Variants in GRM5 observed in about 807,000 individuals in gnomAD.
GRM5 encodes metabotropic glutamate receptor 5.
GRM5 carries 19 observed loss-of-function variants against 83.1 expected under a neutral mutation model. The observed-to-expected ratio is 0.23, with a 90% CI of 0.16 to 0.34. The LOEUF is 0.34. Among genes scored for constraint, GRM5 ranks in the 10% least tolerant of loss-of-function variants. GRM5 has a pLI of 1.00. For synonymous variants in GRM5, 675 were observed against 633.6 expected (o/e 1.07, Z -0.98); for missense variants, 1,160 against 1,588.3 (o/e 0.73, Z 4.58).
intron 2 of GRM5, among the ~76,000 whole-genome samples, chr11:88,904,246 A>G (rs564668865): frequency 3.9e-5 from 6 of 152,338 alleles, no homozygotes; most frequent in African/African-American, 7.2e-5. Flanking sequence ...ATGTGTACAT[A>G]TATGGGTCCA....
intron 2 of GRM5, among the ~76,000 whole-genome samples, chr11:88,987,017 G>A (rs528747769): frequency 7.6e-4 from 115 of 151,606 alleles, no homozygotes; most frequent in East Asian, 3.5e-3. Context: ...CAAGATGGCC[G>A]AATAGGAACA....
chr11:88,647,348 A>G (rs577712099), intron 4 of GRM5, among the ~76,000 whole-genome samples: 7 of 135,888 alleles, frequency 5.2e-5, no homozygotes, highest in African/African-American at 1.7e-4. Context: ...CCTTAAAAAA[A>G]GTATAAGACA....
At chr11:88,546,630 T>C (rs1177209165) in intron 8 of GRM5, among the ~76,000 whole-genome samples, 1 of 152,114 alleles carries the variant, frequency 6.6e-6, no homozygotes, top group African/African-American at 2.4e-5. Context: ...AGTCTTAATA[T>C]GGGCCCTATG....
rs568852510 is a variant in GRM5 at position 89,009,824 on chromosome 11, C to T, written c.661+37388G>A. On this transcript the variant is annotated intron_variant, in intron 2 of 9. Coordinates refer to ENST00000305447, the MANE Select transcript of GRM5 (RefSeq NM_001143831.3). Reference sequence around the variant, plus strand: ...GCTGAGGCAGGAGAATGGCGTGAACCCGGGAGGCGGAGCTTGCAGTGAGCC... The same window carrying T: ...GCTGAGGCAGGAGAATGGCGTGAACTCGGGAGGCGGAGCTTGCAGTGAGCC... Among the ~76,000 whole-genome samples the T allele has an allele frequency of 1.7e-4, 23 of 136,256 alleles. No homozygotes were observed. The East Asian group carries it at 4.5e-3, about 27-fold the overall frequency. 89.4% of individuals were successfully genotyped at this position (136,256 alleles called of 152,430 possible).
chr11:88,671,990 C>A (rs941021808), intron 3 of GRM5, among the ~76,000 whole-genome samples: 1 of 151,998 alleles, frequency 6.6e-6, no homozygotes, highest in Non-Finnish European at 1.5e-5. Flanking sequence ...TCTGATTAGT[C>A]AAGAAATTTA....
chr11:88,581,128 T>TTAAA (rs1209388058), intron 7 of GRM5, among the ~76,000 whole-genome samples: 7 of 151,826 alleles, frequency 4.6e-5, no homozygotes, highest in East Asian at 1.9e-4. Context: ...ATAAATAAAT[T>TTAAA]TAAATAAATA....
chr11:88,743,290 T>C (rs1942065743), intron 3 of GRM5, among the ~76,000 whole-genome samples: 1 of 152,118 alleles, frequency 6.6e-6, no homozygotes, highest in African/African-American at 2.4e-5. Flanking sequence ...TGCCACTACT[T>C]GGCACCAAAC....
chr11:88,930,948 T>TA (rs66517314), intron 2 of GRM5, among the ~76,000 whole-genome samples: 1 of 151,884 alleles, frequency 6.6e-6, no homozygotes, highest in African/African-American at 2.4e-5. Flanking sequence ...GGTCTTTCTT[T>TA]AAAAAAAAAT....
In GRM5 at chr11:88,857,871, A is replaced by G. The variant is rs561152538; in HGVS notation, c.662-7716T>C. ...CCAAGAAATATTCCTAAAAATTCCT[A>G]TATAATTGAGATTTAGGTGTTTAGG... On this transcript the variant is annotated intron_variant, in intron 2 of 9. Transcript: ENST00000305447. Among the ~76,000 whole-genome samples, 401 of 152,194 alleles carry G rather than the reference A, an allele frequency of 2.6e-3. 2 individuals are homozygous for G. Among genetic ancestry groups the G allele is most frequent in the Non-Finnish European group, 2.2e-3 (148 of 67,962 alleles).
At chr11:88,814,944 A>G (rs1943645539) in intron 3 of GRM5, among the ~76,000 whole-genome samples, 1 of 152,220 alleles carries the variant, frequency 6.6e-6, no homozygotes, top group Admixed American at 6.5e-5. Context: ...AGCAAAAATG[A>G]ATGAAACTGT....
chr11:88,661,849 T>G (rs1350196522), intron 3 of GRM5, among the ~76,000 whole-genome samples: 2 of 152,120 alleles, frequency 1.3e-5, no homozygotes. Flanking sequence ...CTTTGAAATT[T>G]TAAATTAAGG....
At chr11:88,685,168 G>A (rs1940588930) in intron 3 of GRM5, among the ~76,000 whole-genome samples, 1 of 152,132 alleles carries the variant, frequency 6.6e-6, no homozygotes, top group African/African-American at 2.4e-5. Context: ...GACAAATAAG[G>A]TCCAGGCTGA....
At chr11:88,970,299 C>G (rs564170395) in intron 2 of GRM5, among the ~76,000 whole-genome samples, 1 of 152,206 alleles carries the variant, frequency 6.6e-6, no homozygotes, top group African/African-American at 2.4e-5. Context: ...GCATAACTTA[C>G]GAAGCTCTGC....
chr11:89,025,997 C>T (rs1156835386), intron 2 of GRM5, among the ~76,000 whole-genome samples: 1 of 152,180 alleles, frequency 6.6e-6, no homozygotes, highest in Non-Finnish European at 1.5e-5. Flanking sequence ...AAATACTACA[C>T]AGCCATAAAA....
intron 3 of GRM5, among the ~76,000 whole-genome samples, chr11:88,756,760 T>C (rs1942402173): frequency 6.6e-6 from 1 of 151,516 alleles, no homozygotes; most frequent in South Asian, 2.1e-4. Flanking sequence ...AGTAAAAAGG[T>C]AGGAGAAGAG....
chr11:88,569,731 A>T (rs1942946515), intron 7 of GRM5, among the ~76,000 whole-genome samples: 1 of 151,782 alleles, frequency 6.6e-6, no homozygotes, highest in African/African-American at 2.4e-5. Flanking sequence ...AGAACCATGG[A>T]CCCCCCACTA....
rs555209950 is a variant in GRM5, at chr11:89,064,418, T to C, written c.-201+1358A>G. Among the ~76,000 whole-genome samples, 3 of 152,240 alleles carry C rather than the reference T, an allele frequency of 2.0e-5. No homozygotes were observed. The South Asian group carries it at 6.2e-4, about 32-fold the overall frequency. On this transcript the variant is annotated intron_variant, in intron 1 of 9. Transcript: ENST00000305447. ...AGTTCACTGAGCTACAGGCTGGAGG[T>C]TGGATTTTCCTCACTCATTTCCACA...
intron 3 of GRM5, among the ~76,000 whole-genome samples, chr11:88,711,073 A>C (rs190007584): frequency 1.3e-5 from 2 of 152,190 alleles, no homozygotes; most frequent in East Asian, 3.9e-4. Flanking sequence ...TGAAATCACT[A>C]GTGATAGTGC....
At chr11:89,027,199 G>A (rs1275317829) in intron 2 of GRM5, among the ~76,000 whole-genome samples, 3 of 151,724 alleles carry the variant, frequency 2.0e-5, no homozygotes, top group South Asian at 2.1e-4. Flanking sequence ...GGGTTCAAAC[G>A]ATTCTCTGGC....
Sources: gnomAD v4.1 joint callset for allele counts (sites outside exome capture counted in the v4.1 genomes callset) on GRCh38, gnomAD v4.1.1 for gene constraint, MANE v1.5 for transcripts, NCBI Gene and HGNC (gene_info 2026-07-23, HGNC 2026-07-21) for gene names.